PHACTR1: variants seen among roughly 807,000 people sequenced by gnomAD.
PHACTR1 encodes the protein phosphatase and actin regulator 1, also known as RPEL repeat containing 1.
Under a neutral mutation model 69.2 loss-of-function variants are expected in PHACTR1, and 16 were observed. That is an observed-to-expected ratio of 0.23 (90% CI 0.16 to 0.35). The LOEUF (loss-of-function observed/expected upper bound fraction) is 0.35, where lower values mean the gene tolerates loss of function less well. Ranked by LOEUF, PHACTR1 falls within the 10% of genes least tolerant of loss-of-function variation. PHACTR1 has a pLI of 1.00. For missense variants in PHACTR1, 510 were observed against 734.7 expected, an observed-to-expected ratio of 0.69 and a Z score of 3.54; for synonymous variants, 312 against 284.5, an observed-to-expected ratio of 1.10 and a Z score of -0.97.
At chr6:12,840,871 T>C (rs904744864) in intron 4 of PHACTR1, among the ~76,000 whole-genome samples, 3 of 152,254 alleles carry the variant, frequency 2.0e-5, no homozygotes, top group Admixed American at 6.5e-5. Flanking sequence ...ATTTAAGTGA[T>C]GCTTGTTGCA....
At chr6:13,062,177 A>G (rs1807781055) in intron 5 of PHACTR1, among the ~76,000 whole-genome samples, 1 of 152,150 alleles carries the variant, frequency 6.6e-6, no homozygotes, top group South Asian at 2.1e-4. Flanking sequence ...CCTGTATTTT[A>G]TTTGCAACAG....
chr6:13,286,336 G>A, intron 14 of PHACTR1, 114 bp downstream of exon 14: 2 of 823,778 alleles, frequency 2.4e-6, no homozygotes, highest in Non-Finnish European at 3.7e-6. Context: ...CCATGAGAGG[G>A]AAGATAGTAG....
At chr6:12,972,651 TTTC>T (rs772972431) in intron 4 of PHACTR1, among the ~76,000 whole-genome samples, 23,173 of 132,866 alleles carry the variant, frequency 0.17, 1,742 homozygotes, top group South Asian at 0.24. Flanking sequence ...TCTTTCTTTC[TTTC>T]TTTTTTTTTT....
At chr6:12,965,206 G>A (rs76555100) in intron 4 of PHACTR1, among the ~76,000 whole-genome samples, 1,750 of 152,238 alleles carry the variant, frequency 0.011, 16 homozygotes, top group Non-Finnish European at 0.019. Context: ...CCCCCCCATG[G>A]ATTGAACAGA....
intron 4 of PHACTR1, among the ~76,000 whole-genome samples, chr6:12,849,014 T>G (rs1779564220): frequency 6.6e-6 from 1 of 152,286 alleles, no homozygotes; most frequent in East Asian, 1.9e-4. Context: ...GGCACTATTC[T>G]TTTTAAACAG....
chr6:13,125,020 AAGCACC>A (rs1324326699), intron 5 of PHACTR1, among the ~76,000 whole-genome samples: 2 of 152,210 alleles, frequency 1.3e-5, no homozygotes, highest in African/African-American at 4.8e-5. Context: ...TCTACTCCTG[AAGCACC>A]AGTAAAATGA....
chr6:12,869,109 A>G (rs1781763102), intron 4 of PHACTR1, among the ~76,000 whole-genome samples: 1 of 152,138 alleles, frequency 6.6e-6, no homozygotes, highest in African/African-American at 2.4e-5. Context: ...CATGTCCCTC[A>G]GAGCTGACTG....
intron 4 of PHACTR1, among the ~76,000 whole-genome samples, chr6:12,963,451 C>CT: frequency 7.1e-6 from 1 of 141,472 alleles, no homozygotes; most frequent in Non-Finnish European, 1.6e-5. Flanking sequence ...CTTTGATTTT[C>CT]TTTAAAAAAA....
At chr6:13,247,326 C>CGT (rs60972913) in intron 10 of PHACTR1, among the ~76,000 whole-genome samples, 35,115 of 138,842 alleles carry the variant, frequency 0.25, 4,469 homozygotes, top group South Asian at 0.36. Flanking sequence ...CAAGTTCCCT[C>CGT]GTGTGTGTGT....
chr6:12,847,103 C>G (rs374732644), intron 4 of PHACTR1, among the ~76,000 whole-genome samples: 1 of 152,184 alleles, frequency 6.6e-6, no homozygotes, highest in Non-Finnish European at 1.5e-5. Context: ...AGGCGTGAGC[C>G]ACTGCGCCCA....
chr6:12,981,199 T>C (rs900158913), intron 4 of PHACTR1, among the ~76,000 whole-genome samples: 1 of 152,262 alleles, frequency 6.6e-6, no homozygotes, highest in African/African-American at 2.4e-5. Context: ...AAGAACTTCA[T>C]AATTTTTTCA....
At chr6:13,047,116 A>G (rs1480012259) in intron 4 of PHACTR1, among the ~76,000 whole-genome samples, 1 of 152,140 alleles carries the variant, frequency 6.6e-6, no homozygotes, top group African/African-American at 2.4e-5. Context: ...GGAGGCTCAC[A>G]CCTGTAGTCC....
chr6:13,087,144 CAT>C (rs1268741528), intron 5 of PHACTR1, among the ~76,000 whole-genome samples: 34 of 146,618 alleles, frequency 2.3e-4, no homozygotes, highest in South Asian at 1.5e-3. Flanking sequence ...ATATATATAA[CAT>C]ATATATTTTT....
chr6:12,819,251 G>A (rs1160066518), intron 4 of PHACTR1, among the ~76,000 whole-genome samples: 1 of 152,122 alleles, frequency 6.6e-6, no homozygotes, highest in South Asian at 2.1e-4. Flanking sequence ...ATGAGATAAT[G>A]GGCATTATGT....
intron 4 of PHACTR1, among the ~76,000 whole-genome samples, chr6:12,760,076 T>C (rs1181576093): frequency 6.6e-6 from 1 of 152,228 alleles, no homozygotes. Context: ...TGAGTGTTTG[T>C]TAGCACGAAG....
intron 10 of PHACTR1, among the ~76,000 whole-genome samples, chr6:13,251,104 T>C (rs942822800): frequency 2.0e-5 from 3 of 152,200 alleles, no homozygotes; most frequent in African/African-American, 7.2e-5. Context: ...GGCAGCCACC[T>C]GAGAAGGGCA....
intron 4 of PHACTR1, among the ~76,000 whole-genome samples, chr6:12,943,089 A>G (rs1790217727): frequency 6.6e-6 from 1 of 152,250 alleles, no homozygotes; most frequent in South Asian, 2.1e-4. Flanking sequence ...AGCGTTACTC[A>G]CAATAGCCAA....
At chr6:13,088,736 C>G (rs1375670826) in intron 5 of PHACTR1, among the ~76,000 whole-genome samples, 1 of 152,156 alleles carries the variant, frequency 6.6e-6, no homozygotes, top group Non-Finnish European at 1.5e-5. Context: ...TTGGATGTCA[C>G]AAACTTGTCC....
intron 5 of PHACTR1, among the ~76,000 whole-genome samples, chr6:13,072,849 G>A (rs1809750364): frequency 6.6e-6 from 1 of 152,128 alleles, no homozygotes; most frequent in Non-Finnish European, 1.5e-5. Flanking sequence ...GTGATATGGA[G>A]AGTAATGACT....
Sources: gnomAD v4.1 joint callset for allele counts (sites outside exome capture counted in the v4.1 genomes callset) on GRCh38, gnomAD v4.1.1 for gene constraint, MANE v1.5 for transcripts, NCBI Gene and HGNC (gene_info 2026-07-23, HGNC 2026-07-21) for gene names.